Variants in FAAH2 observed in about 807,000 individuals in gnomAD.
The protein encoded by FAAH2 is fatty-acid amide hydrolase 2.
FAAH2 carries 60 observed loss-of-function variants against 36.9 expected under a neutral mutation model. That is an observed-to-expected ratio of 1.63 (90% CI 1.32 to 2.02). The LOEUF is 2.02. FAAH2 is among the 30% of genes most tolerant of loss of function. The probability of loss-of-function intolerance (pLI) is 0.00; values close to 1 mark genes in which losing one functional copy is unlikely to be tolerated. For synonymous variants in FAAH2, 214 were observed against 143.8 expected, an observed-to-expected ratio of 1.49 and a Z score of -3.49; for missense variants, 689 against 397.5, an observed-to-expected ratio of 1.73 and a Z score of -6.23.
the FAAH2 span, among the ~76,000 whole-genome samples, chrX:57,169,173 G>A: frequency 2.7e-5 from 3 of 109,292 alleles, no homozygotes; most frequent in East Asian, 2.9e-4. Flanking sequence ...CAGTACTATC[G>A]GATTAGGGAC....
chrX:57,283,332 G>T (rs1382117491), upstream of FAAH2, among the ~76,000 whole-genome samples: 1 of 111,945 alleles, frequency 8.9e-6, no homozygotes, highest in Non-Finnish European at 1.9e-5. Flanking sequence ...TTCAGCCAGG[G>T]GGTGAGGCAA....
the FAAH2 span, among the ~76,000 whole-genome samples, chrX:57,184,188 AC>A: frequency 9.0e-6 from 1 of 110,853 alleles, no homozygotes; most frequent in South Asian, 3.8e-4. Context: ...TCTTTGTTGG[AC>A]CCTTATCAGT....
chrX:57,306,726 GTGTGTA>G (rs778200066), intron 2 of FAAH2, among the ~76,000 whole-genome samples: 5,881 of 42,333 alleles, frequency 0.14, 207 homozygotes, highest in Admixed American at 0.19. Flanking sequence ...GTGTGTGTGT[GTGTGTA>G]TATATATACA....
At chrX:57,217,926 T>C in the FAAH2 span, among the ~76,000 whole-genome samples, 1 of 111,947 alleles carries the variant, frequency 8.9e-6, no homozygotes. Flanking sequence ...TGGCATGTGT[T>C]TCCATTTGTT....
At chrX:57,400,288 G>A (rs1369183972) in intron 7 of FAAH2, among the ~76,000 whole-genome samples, 1 of 112,155 alleles carries the variant, frequency 8.9e-6, no homozygotes, top group Non-Finnish European at 1.9e-5. Flanking sequence ...TTCAGATACT[G>A]AGACTGCTAC....
At chrX:57,289,452 A>G (rs2051913674) in intron 1 of FAAH2, among the ~76,000 whole-genome samples, 1 of 111,045 alleles carries the variant, frequency 9.0e-6, no homozygotes, top group Non-Finnish European at 1.9e-5. Flanking sequence ...CCACCATCAT[A>G]CATAGCCTGG....
chrX:57,318,989 C>T (rs2052930485), intron 3 of FAAH2, among the ~76,000 whole-genome samples: 1 of 111,627 alleles, frequency 9.0e-6, no homozygotes, highest in Non-Finnish European at 1.9e-5. Context: ...GCTAAAAACT[C>T]TCAATAAAGT....
chrX:57,352,061 T>C (rs12392771), intron 5 of FAAH2, among the ~76,000 whole-genome samples: 527 of 40,967 alleles, frequency 0.013, 50 homozygotes, highest in Non-Finnish European at 0.023. Context: ...TATATATATA[T>C]ATATACACAT....
the FAAH2 span, among the ~76,000 whole-genome samples, chrX:57,278,752 T>G: frequency 4.2e-3 from 471 of 110,948 alleles, 3 homozygotes; most frequent in African/African-American, 0.015. Context: ...TTAAACAAAT[T>G]TACAAGAAAA....
At chrX:57,203,707 C>G in the FAAH2 span, among the ~76,000 whole-genome samples, 4 of 112,185 alleles carry the variant, frequency 3.6e-5, no homozygotes, top group Non-Finnish European at 1.9e-5. Context: ...TAATGGGTTA[C>G]TAGCTGCTAA....
At chrX:57,448,458 A>G (rs1181711990) in intron 9 of FAAH2, 66 bp from the exon 10 acceptor site, 16 of 994,667 alleles carry the variant, frequency 1.6e-5, no homozygotes, top group Admixed American at 3.2e-5. Flanking sequence ...ATAAGAAAAG[A>G]TAAAGAACAC....
At chrX:57,465,188 G>A (rs1218075549) in intron 10 of FAAH2, among the ~76,000 whole-genome samples, 1 of 111,342 alleles carries the variant, frequency 9.0e-6, no homozygotes, top group African/African-American at 3.2e-5. Context: ...TAGATCAGTT[G>A]GCATAATTTA....
the FAAH2 span, among the ~76,000 whole-genome samples, chrX:57,196,223 C>T: frequency 1.8e-5 from 2 of 111,532 alleles, no homozygotes; most frequent in African/African-American, 3.3e-5. Flanking sequence ...TGATTCTACC[C>T]ATCCATGAAC....
chrX:57,135,093 C>T, the FAAH2 span: 1 of 111,964 alleles, frequency 8.9e-6, no homozygotes, highest in Non-Finnish European at 1.9e-5. Flanking sequence ...CCTGTATTCT[C>T]ACTCCCTCTG....
the FAAH2 span, among the ~76,000 whole-genome samples, chrX:57,265,241 G>A: frequency 9.0e-6 from 1 of 111,518 alleles, no homozygotes; most frequent in Admixed American, 9.5e-5. Context: ...CCAGCTTTCT[G>A]GGCTTCCTGG....
chrX:57,463,447 G>T (rs1048343133), intron 10 of FAAH2, among the ~76,000 whole-genome samples: 1 of 110,992 alleles, frequency 9.0e-6, no homozygotes, highest in Non-Finnish European at 1.9e-5. Flanking sequence ...CATAGTATTG[G>T]CACCAAAACA....
chrX:57,466,753 G>A (rs1417181298), intron 10 of FAAH2, among the ~76,000 whole-genome samples: 1 of 111,500 alleles, frequency 9.0e-6, no homozygotes, highest in Non-Finnish European at 1.9e-5. Flanking sequence ...TCTCCACAGA[G>A]TATATACACA....
At chrX:57,353,445 C>A (rs2054078056) in intron 5 of FAAH2, among the ~76,000 whole-genome samples, 1 of 91,463 alleles carries the variant, frequency 1.1e-5, no homozygotes. Context: ...CAAAAATCAA[C>A]TCAAAATTAA....
intron 10 of FAAH2, among the ~76,000 whole-genome samples, chrX:57,467,163 C>T (rs1202080542): frequency 9.0e-6 from 1 of 111,195 alleles, no homozygotes; most frequent in Non-Finnish European, 1.9e-5. Context: ...GTCCACAGCT[C>T]CCAGCATGAG....
Sources: allele counts gnomAD v4.1 joint callset (sites outside exome capture counted in the v4.1 genomes callset), GRCh38; gene constraint gnomAD v4.1.1; transcripts MANE v1.5; gene names NCBI Gene and HGNC (gene_info 2026-07-23, HGNC 2026-07-21).